The following RGS17 variants were observed in gnomAD, a reference collection of about 807,000 sequenced individuals.
RGS17 encodes regulator of G-protein signaling 17.
A neutral mutation model predicts 25.5 loss-of-function variants in RGS17; 12 were observed. The observed-to-expected ratio is 0.47, with a 90% CI of 0.30 to 0.76. RGS17 has a LOEUF of 0.76. RGS17 is among the 30% of genes least tolerant of loss of function. RGS17 has a pLI of 0.07. For missense variants in RGS17, 196 were observed against 242.2 expected (o/e 0.81, Z 1.27); for synonymous variants, 71 against 76.9 (o/e 0.92, Z 0.40).
In RGS17 at chr6:153,105,909, G is replaced by A. The variant is rs187152983; in HGVS notation, c.-26+25215C>T. ...GCTTTCAGACTGTAGTGTGGCATCAGGAGTCTCATGTGAACACTTTGGCAC... is the reference window on the plus strand; with the variant it reads ...GCTTTCAGACTGTAGTGTGGCATCAAGAGTCTCATGTGAACACTTTGGCAC... On this transcript the variant is annotated intron_variant, in intron 1 of 4. Transcript: ENST00000206262. Among the ~76,000 whole-genome samples the A allele has an allele frequency of 1.7e-3, 256 of 152,274 alleles. 3 individuals are homozygous for A. Among genetic ancestry groups the A allele is most frequent in the Admixed American group, 0.016 (243 of 15,304 alleles).
chr6:153,120,135 T>C (rs377457486), intron 1 of RGS17, among the ~76,000 whole-genome samples: 4 of 152,376 alleles, frequency 2.6e-5, no homozygotes, highest in East Asian at 1.9e-4. Context: ...AACGTAACGA[T>C]TGCCAACTTC....
chr6:153,050,829 A>G (rs376216952), intron 1 of RGS17, among the ~76,000 whole-genome samples: 5 of 152,316 alleles, frequency 3.3e-5, no homozygotes, highest in South Asian at 4.1e-4. Flanking sequence ...CCTCAAATTC[A>G]TATGTTGAAA....
intron 1 of RGS17, among the ~76,000 whole-genome samples, chr6:153,077,230 C>T (rs1308338234): frequency 6.6e-6 from 1 of 152,126 alleles, no homozygotes; most frequent in Non-Finnish European, 1.5e-5. Flanking sequence ...TAAGACATAT[C>T]AAACATGGGA....
chr6:153,097,095 C>A lies in RGS17; in HGVS notation c.-26+34029G>T, dbSNP rs554154503. Among the ~76,000 whole-genome samples the A allele has an allele frequency of 1.8e-4, 27 of 152,186 alleles. No individual in the cohort carries two copies. The South Asian group carries it at 1.9e-3, about 11-fold the overall frequency. ...TTAATCATGGAAAAAGTAAACTAGT[C>A]AGCTATTCTTTGTGGCTTTTAATAA... is the stretch of plus-strand genomic sequence containing the variant. On this transcript the variant is annotated intron_variant, in intron 1 of 4. Transcript: ENST00000206262.
At chr6:153,054,092 T>TA (rs1393844507) in intron 1 of RGS17, among the ~76,000 whole-genome samples, 457 of 42,074 alleles carry the variant, frequency 0.011, 63 homozygotes, top group South Asian at 0.016. Context: ...ACAATATTTT[T>TA]TATATATATA....
chr6:153,122,223 A>G (rs568321285), intron 1 of RGS17, among the ~76,000 whole-genome samples: 3 of 152,178 alleles, frequency 2.0e-5, no homozygotes, highest in African/African-American at 7.2e-5. Context: ...CGTAGGCACC[A>G]TATCAGTTGT....
intron 1 of RGS17, among the ~76,000 whole-genome samples, chr6:153,105,019 G>A (rs1777358955): frequency 6.6e-6 from 1 of 152,186 alleles, no homozygotes; most frequent in Non-Finnish European, 1.5e-5. Context: ...GGCCAGAGCA[G>A]AATCAGAAAG....
intron 2 of RGS17, among the ~76,000 whole-genome samples, chr6:153,042,451 G>A (rs1776334455): frequency 6.6e-6 from 1 of 152,124 alleles, no homozygotes; most frequent in Admixed American, 6.6e-5. Flanking sequence ...CAGTTCCCCT[G>A]CACATGCACT....
Position 153,010,044 on chromosome 6 carries a change from TA to T in RGS17, c.*1529del, listed in dbSNP as rs1584115474. 1.3e-5 allele frequency: 2 copies of T among 151,752 alleles called. No homozygotes were observed. The highest frequency in any genetic ancestry group is 1.3e-4 in the Admixed American group (2 of 15,240). 9.4% of individuals were successfully genotyped at this position (151,752 alleles called of 1,614,324 possible). A position where few individuals can be genotyped will look rare whatever the true frequency, so the allele number is the denominator to read the frequency against. On this transcript the variant is annotated 3_prime_UTR_variant, in exon 5 of 5. Coordinates refer to ENST00000206262, the MANE Select transcript of RGS17 (RefSeq NM_012419.5). ...AATAAATTAAAAAATGAGAGGTAGT[TA>T]AAAAAATGACAAAGAAAACCTGTAA... is the stretch of plus-strand genomic sequence containing the variant.
Position 153,007,482 on chromosome 6 carries a change from A to G in RGS17, c.*4092T>C, listed in dbSNP as rs1362311290. 1 of 152,206 alleles carries G rather than the reference A, an allele frequency of 6.6e-6. No individual in the cohort carries two copies. The highest frequency in any genetic ancestry group is 1.5e-5 in the Non-Finnish European group (1 of 68,036). The allele number at this position is 152,206 out of a possible 1,614,324, so 9.4% of individuals were successfully genotyped here. On this transcript the variant is annotated 3_prime_UTR_variant, in exon 5 of 5. Coordinates refer to ENST00000206262, the MANE Select transcript of RGS17 (RefSeq NM_012419.5). ...AATATTTTTTGGAAATATCTTTACC[A>G]TCTTTCAAAATAATTAGGCAATGTG...
chr6:153,128,049 G>A (rs1025159770), intron 1 of RGS17, among the ~76,000 whole-genome samples: 1 of 152,156 alleles, frequency 6.6e-6, no homozygotes, highest in Non-Finnish European at 1.5e-5. Flanking sequence ...GGGAGAGAAG[G>A]AAGGTGGGAG....
intron 1 of RGS17, among the ~76,000 whole-genome samples, chr6:153,108,242 T>G (rs1446368204): frequency 6.6e-6 from 1 of 152,234 alleles, no homozygotes; most frequent in Non-Finnish European, 1.5e-5. Flanking sequence ...GCATTCCATC[T>G]TATCACCTAA....
At chr6:153,042,616 A>G (rs899697063) in intron 2 of RGS17, among the ~76,000 whole-genome samples, 3 of 152,238 alleles carry the variant, frequency 2.0e-5, no homozygotes, top group Non-Finnish European at 4.4e-5. Flanking sequence ...CAGCATAAAA[A>G]TGGACTAATA....
chr6:153,077,386 ACT>A (rs1776898997), intron 1 of RGS17, among the ~76,000 whole-genome samples: 1 of 152,032 alleles, frequency 6.6e-6, no homozygotes, highest in Non-Finnish European at 1.5e-5. Flanking sequence ...AATTGGGGAA[ACT>A]CTGGATATTA....
intron 4 of RGS17, among the ~76,000 whole-genome samples, chr6:153,022,276 TTAAA>T (rs1359179139): frequency 6.6e-6 from 1 of 152,190 alleles, no homozygotes; most frequent in African/African-American, 2.4e-5. Flanking sequence ...TAGTTTATAT[TTAAA>T]TAATCACTAT....
At chr6:153,081,506 T>TTTA (rs1776980679) in intron 1 of RGS17, among the ~76,000 whole-genome samples, 1 of 151,366 alleles carries the variant, frequency 6.6e-6, no homozygotes, top group South Asian at 2.2e-4. Context: ...TGGTTGGGTC[T>TTTA]TGATAATGTC....
chr6:153,110,991 C>T (rs866292237), intron 1 of RGS17, among the ~76,000 whole-genome samples: 9 of 152,174 alleles, frequency 5.9e-5, no homozygotes, highest in South Asian at 2.1e-4. Flanking sequence ...CCCTGGGTTT[C>T]GAGCACAAAA....
chr6:153,125,105 T>A (rs1035653804), intron 1 of RGS17, among the ~76,000 whole-genome samples: 1 of 152,230 alleles, frequency 6.6e-6, no homozygotes, highest in African/African-American at 2.4e-5. Flanking sequence ...ATTTATGTCA[T>A]AATTTCCCCC....
At chr6:153,040,858 T>TA (rs1414181049) in intron 2 of RGS17, among the ~76,000 whole-genome samples, 1 of 151,966 alleles carries the variant, frequency 6.6e-6, no homozygotes. Context: ...TTTATCCTTT[T>TA]AAAAAAATTA....
Sources: allele counts gnomAD v4.1 joint callset (sites outside exome capture counted in the v4.1 genomes callset), GRCh38; gene constraint gnomAD v4.1.1; transcripts MANE v1.5; gene names NCBI Gene and HGNC (gene_info 2026-07-23, HGNC 2026-07-21).